Variants in LY9 observed in about 807,000 individuals in gnomAD.
The protein encoded by LY9 is lymphocyte antigen 9.
Under a neutral mutation model 64.6 loss-of-function variants are expected in LY9, and 59 were observed. The observed-to-expected ratio is 0.91, with a 90% CI of 0.74 to 1.13. LY9 has a LOEUF of 1.13. Ranked by LOEUF, LY9 falls within the 50% of genes most tolerant of loss-of-function variation. The probability of loss-of-function intolerance (pLI) is 0.00; values close to 1 mark genes in which losing one functional copy is unlikely to be tolerated. For missense variants in LY9, 789 were observed against 797.2 expected (o/e 0.99, Z 0.12); for synonymous variants, 281 against 308.5 (o/e 0.91, Z 0.93).
chr1:160,801,738 G>A, intron 2 of LY9: 1 of 1,395,054 alleles, frequency 7.2e-7, no homozygotes, highest in Non-Finnish European at 1.0e-6. Context: ...TATATGATGA[G>A]AAATAGGGGT....
At chr1:160,804,336 A>G (rs2101755653) in intron 2 of LY9, among the ~76,000 whole-genome samples, 1 of 152,178 alleles carries the variant, frequency 6.6e-6, no homozygotes, top group Middle Eastern at 3.4e-3. Context: ...TTCTATAACC[A>G]TTGAGATGAT....
intron 9 of LY9, among the ~76,000 whole-genome samples, chr1:160,826,004 A>G (rs1270186696): frequency 1.3e-5 from 2 of 152,206 alleles, no homozygotes; most frequent in African/African-American, 2.4e-5. Context: ...AAATCATTCT[A>G]TAACTTTGAC....
At chr1:160,817,633 G>A (rs567182489) in intron 5 of LY9, among the ~76,000 whole-genome samples, 54 of 152,218 alleles carry the variant, frequency 3.5e-4, no homozygotes, top group Admixed American at 6.5e-4. Flanking sequence ...CACAATCTTC[G>A]CAACAATCCT....
chr1:160,819,790 C>CAA (rs147882749), intron 7 of LY9, among the ~76,000 whole-genome samples: 7 of 87,252 alleles, frequency 8.0e-5, no homozygotes, highest in African/African-American at 1.9e-4. Context: ...GACTCTGTCT[C>CAA]AAAAAAAAAA....
intron 9 of LY9, among the ~76,000 whole-genome samples, chr1:160,827,257 G>A (rs1668903420): frequency 6.6e-6 from 1 of 152,008 alleles, no homozygotes; most frequent in African/African-American, 2.4e-5. Context: ...CGCTCCTCTG[G>A]GTCAGCACAG....
intron 2 of LY9, among the ~76,000 whole-genome samples, chr1:160,800,730 C>G (rs1666380851): frequency 1.3e-5 from 2 of 152,170 alleles, no homozygotes; most frequent in South Asian, 4.1e-4. Context: ...GCTCCGCTAT[C>G]CATTATTCCT....
At chr1:160,797,539 C>G (rs1666007010) in intron 1 of LY9, among the ~76,000 whole-genome samples, 3 of 152,302 alleles carry the variant, frequency 2.0e-5, no homozygotes, top group Admixed American at 2.0e-4. Flanking sequence ...TCAAGGTCAT[C>G]CAAGCCGCAA....
intron 2 of LY9, among the ~76,000 whole-genome samples, chr1:160,803,290 A>T (rs12079426): frequency 0.37 from 56,360 of 151,062 alleles, 11,130 homozygotes; most frequent in Non-Finnish European, 0.46. Context: ...CTAAAAAAAA[A>T]TTTTTTTTTT....
Position 160,827,065 on chromosome 1 carries a change from A to G in LY9, c.1900-683A>G, listed in dbSNP as rs929061300. ...TTCCTGAGCCAAACTCTTGACAACTATATCTTTTGTCTTCAGAATTGTCAG... is the reference window on the plus strand; with the variant it reads ...TTCCTGAGCCAAACTCTTGACAACTGTATCTTTTGTCTTCAGAATTGTCAG... On this transcript the variant is annotated intron_variant, in intron 9 of 9. Coordinates refer to ENST00000263285, the MANE Select transcript of LY9 (RefSeq NM_002348.4). Among the ~76,000 whole-genome samples, 3 of 152,248 alleles carry G rather than the reference A, an allele frequency of 2.0e-5. No individual in the cohort carries two copies. The South Asian group carries it at 6.2e-4, about 32-fold the overall frequency.
At chr1:160,810,757 C>G (rs1373089401) in intron 2 of LY9, 1 of 152,160 alleles carries the variant, frequency 6.6e-6, no homozygotes, top group African/African-American at 2.4e-5. Context: ...CAAAATCCAT[C>G]TAAATATTAT....
intron 2 of LY9, among the ~76,000 whole-genome samples, chr1:160,801,014 A>T (rs1275814602): frequency 6.6e-6 from 1 of 152,262 alleles, no homozygotes; most frequent in African/African-American, 2.4e-5. Context: ...ATAGTGCTGC[A>T]ATAAACATAC....
chr1:160,805,574 T>A (rs1333324448), intron 2 of LY9, among the ~76,000 whole-genome samples: 2 of 152,212 alleles, frequency 1.3e-5, no homozygotes, highest in Non-Finnish European at 2.9e-5. Flanking sequence ...ATTCTGCAAC[T>A]GTTGGATAGA....
In LY9 at chr1:160,818,223, G is replaced by C; in HGVS notation, c.1348G>C (p.Glu450Gln). The change falls in exon 6 of 10, where the codon GAG becomes CAG. Residue 450 changes from glutamate (E) to glutamine (Q), a missense_variant. By Grantham distance (29) the Glu-to-Gln change is conservative. Transcript: ENST00000263285. ...FLSENICSGP[E>Q]RNTKLWIGLF... is the part of the protein sequence containing the mutation. Reference sequence around the variant, plus strand: ...CACTCATTTCCTCCTCAAAGGACCTGAGAGAAACACAAAGCTTTGGATTGG... The same window carrying C: ...CACTCATTTCCTCCTCAAAGGACCTCAGAGAAACACAAAGCTTTGGATTGG... 6.2e-7 allele frequency: 1 copy of C among 1,611,746 alleles called. No homozygotes were observed. Among genetic ancestry groups the C allele is most frequent in the Non-Finnish European group, 8.5e-7 (1 of 1,177,970 alleles).
At chr1:160,824,547 T>TA (rs1668738902) in intron 9 of LY9, 1 of 985,136 alleles carries the variant, frequency 1.0e-6, no homozygotes, top group African/African-American at 1.7e-5. Flanking sequence ...TATAGCTTTT[T>TA]AAATCTATCT....
At chr1:160,806,694 G>A (rs1482591943) in intron 2 of LY9, among the ~76,000 whole-genome samples, 1 of 152,164 alleles carries the variant, frequency 6.6e-6, no homozygotes. Flanking sequence ...TGACTGTGAT[G>A]TGTCATGGAG....
Position 160,825,150 on chromosome 1 carries a change from G to A in LY9, c.1899+901G>A, listed in dbSNP as rs188770449. ...TTGAGCCGGGGAGTTCAAGGCTGCA[G>A]TGAGCCAAGATCATGCCACTGAAAT... On this transcript the variant is annotated intron_variant, in intron 9 of 9. Transcript: ENST00000263285. Among the ~76,000 whole-genome samples, 335 of 151,734 alleles carry A rather than the reference G, an allele frequency of 2.2e-3. 2 individuals are homozygous for A. Among genetic ancestry groups the A allele is most frequent in the African/African-American group, 7.6e-3 (315 of 41,312 alleles).
intron 2 of LY9, among the ~76,000 whole-genome samples, chr1:160,800,991 T>A (rs898790490): frequency 1.3e-5 from 2 of 152,246 alleles, no homozygotes; most frequent in African/African-American, 4.8e-5. Context: ...ATTCTATATC[T>A]TTGCTATTGA....
intron 7 of LY9, among the ~76,000 whole-genome samples, chr1:160,819,886 T>C (rs988849295): frequency 1.3e-4 from 16 of 126,888 alleles, no homozygotes; most frequent in African/African-American, 3.6e-4. Context: ...GGAGGGAATC[T>C]TGGGCATCAC....
chr1:160,805,255 G>A lies in LY9; in HGVS notation c.454+5173G>A, dbSNP rs559225868. Reference sequence around the variant, plus strand: ...CATTTATTTCTATAAACTTCCCTCAGCACTGCTTTTGCTGTACTCCATAGC... The same window carrying A: ...CATTTATTTCTATAAACTTCCCTCAACACTGCTTTTGCTGTACTCCATAGC... On this transcript the variant is annotated intron_variant, in intron 2 of 9. Coordinates refer to ENST00000263285, the MANE Select transcript of LY9 (RefSeq NM_002348.4). Among the ~76,000 whole-genome samples the A allele has an allele frequency of 7.3e-5, 11 of 149,952 alleles. No individual in the cohort carries two copies. In the South Asian group the frequency reaches 2.3e-3, roughly 32 times the overall value.
Sources: allele counts gnomAD v4.1 joint callset (sites outside exome capture counted in the v4.1 genomes callset), GRCh38; gene constraint gnomAD v4.1.1; transcripts MANE v1.5; gene names NCBI Gene and HGNC (gene_info 2026-07-23, HGNC 2026-07-21).